Variants in SPATA7 observed in about 807,000 individuals in gnomAD.
The protein encoded by SPATA7 is spermatogenesis-associated protein 7.
In SPATA7, 43 loss-of-function variants were observed where a neutral mutation model predicts 51.8. That is an observed-to-expected ratio of 0.83 (90% CI 0.65 to 1.07). The LOEUF (loss-of-function observed/expected upper bound fraction) is 1.07. SPATA7 is among the 50% of genes least tolerant of loss of function. The pLI is 0.00. For missense variants in SPATA7, 683 were observed against 701.3 expected (o/e 0.97, Z 0.30); for synonymous variants, 230 against 252.8 (o/e 0.91, Z 0.86).
intron 9 of SPATA7, 54 bp downstream of exon 9, chr14:88,431,279 CAAAG>C (rs1041663408): frequency 5.3e-5 from 78 of 1,481,666 alleles, no homozygotes; most frequent in Non-Finnish European, 6.8e-5. Context: ...GATTAAGAAT[CAAAG>C]AAACCATATT....
In SPATA7 at chr14:88,463,067, ATTT is replaced by A. The variant is rs369317914; in HGVS notation, c.255-6778_255-6776del. On this transcript the variant is annotated intron_variant, in intron 4 of 4. Transcript: ENST00000556406. ...AAATATGATGTGCAGACAGACCTTAATTTTACTTGTATGTGACCTAGGGATACC... is the reference window on the plus strand; with the variant it reads ...AAATATGATGTGCAGACAGACCTTAATACTTGTATGTGACCTAGGGATACC... Among the ~76,000 whole-genome samples the A allele has an allele frequency of 9.9e-4, 150 of 152,258 alleles. 2 individuals carry two copies. The highest frequency in any genetic ancestry group is 3.2e-3 in the African/African-American group (135 of 41,556).
chr14:88,468,069 T>C lies in SPATA7; in HGVS notation c.255-1778T>C, dbSNP rs1467146922. The C allele has an allele frequency of 2.6e-6, 4 of 1,563,346 alleles. No homozygotes were observed. In the South Asian group the frequency reaches 3.4e-5, roughly 13 times the overall value. ...CAAGTGTCAACGGGAAAGTATGAGTTAGGCAAGCGCTTTTTTTTTAAGCTG... is the reference window on the plus strand; with the variant it reads ...CAAGTGTCAACGGGAAAGTATGAGTCAGGCAAGCGCTTTTTTTTTAAGCTG... On this transcript the variant is annotated intron_variant, in intron 4 of 4. Transcript: ENST00000556406.
intron 3 of SPATA7, among the ~76,000 whole-genome samples, chr14:88,449,085 T>C (rs986913053): frequency 1.3e-5 from 2 of 152,172 alleles, no homozygotes; most frequent in African/African-American, 4.8e-5. Flanking sequence ...CTGATCTTAG[T>C]TATTTCTTTA....
rs758877108 is a variant in SPATA7 at position 88,391,463 on chromosome 14, A to G, written c.94+8A>G. The G allele has an allele frequency of 3.7e-6, 6 of 1,611,964 alleles. No homozygotes were observed. The African/African-American group carries it at 8.0e-5, about 22-fold the overall frequency. On this transcript the variant is annotated splice_region_variant and intron_variant, in intron 2 of 11. Transcript: ENST00000393545. ...TGAGCACCAAAAGTAATGGTAAGTG[A>G]GGTGCTTAAAACGGCAGCTTTGTTA...
At chr14:88,398,081 C>CAA (rs34493988) in intron 4 of SPATA7, among the ~76,000 whole-genome samples, 75 of 139,418 alleles carry the variant, frequency 5.4e-4, no homozygotes, top group African/African-American at 1.3e-3. Flanking sequence ...GACACCGTCT[C>CAA]AAAAAAAAAA....
intron 4 of SPATA7, chr14:88,467,416 C>T (rs1157450781): frequency 6.6e-6 from 1 of 152,112 alleles, no homozygotes; most frequent in African/African-American, 2.4e-5. Context: ...TGCCTTCATC[C>T]TCAACTTTAC....
chr14:88,401,676 A>G (rs976376000), intron 4 of SPATA7, among the ~76,000 whole-genome samples: 1 of 151,884 alleles, frequency 6.6e-6, no homozygotes, highest in Non-Finnish European at 1.5e-5. Flanking sequence ...TACAAAATAA[A>G]AAAACTAAAA....
At chr14:88,456,439 C>G (rs2077284421), downstream of SPATA7, among the ~76,000 whole-genome samples, 1 of 151,980 alleles carries the variant, frequency 6.6e-6, no homozygotes, top group African/African-American at 2.4e-5. Context: ...GATGGTATCT[C>G]ATTGTGGTTT....
intron 4 of SPATA7, among the ~76,000 whole-genome samples, chr14:88,397,078 CAG>C (rs1281851891): frequency 6.6e-6 from 1 of 151,996 alleles, no homozygotes; most frequent in Non-Finnish European, 1.5e-5. Flanking sequence ...TACATAGAGA[CAG>C]GGTTTTACCA....
In SPATA7 at chr14:88,416,782, A is replaced by G. The variant is rs200034171; in HGVS notation, c.310A>G (p.Lys104Glu). ...AQCEKEFKLT[K>E]TAMRANYKNN... The stretch of plus-strand genomic sequence containing the variant: ...ATGTGAAAAAGAGTTCAAATTAACT[A>G]AAACTGCAATGCGAGCCAATTATAA... The change falls in exon 5 of 12, where the codon AAA (lysine) becomes GAA (glutamate). Residue 104 changes from lysine to glutamate, a missense_variant. Coordinates refer to ENST00000393545, the MANE Select transcript of SPATA7 (RefSeq NM_018418.5). 1 of 1,610,994 alleles carries G rather than the reference A, an allele frequency of 6.2e-7. No homozygotes were observed. The highest frequency in any genetic ancestry group is 8.5e-7 in the Non-Finnish European group (1 of 1,177,414).
chr14:88,420,890 T>C (rs113926026), intron 5 of SPATA7, among the ~76,000 whole-genome samples: 5,349 of 152,082 alleles, frequency 0.035, 308 homozygotes, highest in African/African-American at 0.12. Context: ...CCAAGGTGGG[T>C]GGATCACCAG....
At chr14:88,418,753 C>T (rs538340328) in intron 5 of SPATA7, among the ~76,000 whole-genome samples, 37 of 152,214 alleles carry the variant, frequency 2.4e-4, no homozygotes, top group African/African-American at 7.9e-4. Context: ...GGATTACAGG[C>T]GTGAGCCACC....
chr14:88,390,539 G>T (rs991612657), intron 1 of SPATA7, among the ~76,000 whole-genome samples: 1 of 152,180 alleles, frequency 6.6e-6, no homozygotes, highest in Non-Finnish European at 1.5e-5. Flanking sequence ...TGTATCTCAT[G>T]TTGGGACTTG....
At position 88,426,617 on chromosome 14, in the gene SPATA7, T is replaced by A. The variant is rs2076801067; in HGVS notation, c.758T>A (p.Leu253Gln). The change falls in exon 6 of 12, where the codon CTG becomes CAG. Residue 253 changes from leucine (L) to glutamine (Q), a missense_variant. Coordinates refer to ENST00000393545, the MANE Select transcript of SPATA7 (RefSeq NM_018418.5). ...TTAAAAACAGAAGCAAAATCTTTCC[T>A]GTCACAGTATCGCTATTATACACCT... Reference protein sequence around the residue: ...RTLKTEAKSFLSQYRYYTPAK... With the variant: ...RTLKTEAKSFQSQYRYYTPAK... 2.5e-6 allele frequency: 4 copies of A among 1,614,000 alleles called. No homozygotes were observed. The African/African-American group carries it at 4.0e-5, about 16-fold the overall frequency.
At chr14:88,391,036 G>A (rs1404096019) in intron 1 of SPATA7, among the ~76,000 whole-genome samples, 9 of 152,036 alleles carry the variant, frequency 5.9e-5, no homozygotes, top group Admixed American at 4.6e-4. Flanking sequence ...CTCCTAGCTC[G>A]ATACTTCTTT....
At chr14:88,393,709 G>GT (rs1218824983) in intron 3 of SPATA7, 7 of 377,930 alleles carry the variant, frequency 1.9e-5, no homozygotes, top group African/African-American at 1.3e-4. Flanking sequence ...ATTTTATTTC[G>GT]TTTTTTATCT....
intron 1 of SPATA7, among the ~76,000 whole-genome samples, chr14:88,390,516 A>C: frequency 6.6e-6 from 1 of 152,176 alleles, no homozygotes; most frequent in Non-Finnish European, 1.5e-5. Context: ...TTCCTGTCAA[A>C]GGCCCAGGAT....
intron 4 of SPATA7, among the ~76,000 whole-genome samples, chr14:88,402,858 G>A (rs1036949706): frequency 1.3e-5 from 2 of 148,306 alleles, no homozygotes; most frequent in Non-Finnish European, 3.0e-5. Context: ...AATCGACAGA[G>A]TGCATAGGCA....
rs1262597204 is a variant in SPATA7, at chr14:88,396,144, T to C, written c.191-12T>C. 5 of 1,603,150 alleles carry C rather than the reference T, an allele frequency of 3.1e-6. No individual in the cohort carries two copies. Among genetic ancestry groups the C allele is most frequent in the Non-Finnish European group, 3.4e-6 (4 of 1,171,074 alleles). On this transcript the variant is annotated splice_polypyrimidine_tract_variant and intron_variant, in intron 3 of 11. Transcript: ENST00000393545. ...CTGACAATATTATTAAACTATTACC[T>C]TTCTCTTTCAGCTGCAGTAGACTGC... is the stretch of plus-strand genomic sequence containing the variant.
Sources: allele counts gnomAD v4.1 joint callset (sites outside exome capture counted in the v4.1 genomes callset), GRCh38; gene constraint gnomAD v4.1.1; transcripts MANE v1.5; gene names NCBI Gene and HGNC (gene_info 2026-07-23, HGNC 2026-07-21).